The following FMN2 variants were observed in gnomAD, a reference collection of about 807,000 sequenced individuals.
FMN2 encodes formin 2, also known as formin-2.
In FMN2, 51 loss-of-function variants were observed where a neutral mutation model predicts 142.3. The ratio of observed to expected loss-of-function variants is 0.36; its 90% confidence interval spans 0.29 to 0.45. The LOEUF (loss-of-function observed/expected upper bound fraction) is 0.45, where lower values mean the gene tolerates loss of function less well. FMN2 is among the 20% of genes least tolerant of loss of function. The pLI is 1.00. For synonymous variants in FMN2, 882 were observed against 869.8 expected (o/e 1.01, Z -0.25); for missense variants, 1,936 against 2,122.8 (o/e 0.91, Z 1.73).
intron 6 of FMN2, among the ~76,000 whole-genome samples, chr1:240,236,728 C>G (rs1361326045): frequency 6.6e-6 from 1 of 152,134 alleles, no homozygotes; most frequent in Non-Finnish European, 1.5e-5. Context: ...AGTGATAACT[C>G]ACTCATTCCC....
chr1:240,424,040 A>T (rs758115825), intron 15 of FMN2, among the ~76,000 whole-genome samples: 12 of 152,156 alleles, frequency 7.9e-5, no homozygotes, highest in Non-Finnish European at 1.6e-4. Flanking sequence ...GAGGAAAGGG[A>T]GGTTGAATTA....
chr1:240,458,813 A>C (rs1037837548), intron 16 of FMN2: 1 of 152,124 alleles, frequency 6.6e-6, no homozygotes, highest in African/African-American at 2.4e-5. Context: ...ACTATCGTTA[A>C]GTTTGTGGAA....
At chr1:240,300,825 C>T (rs1278980177) in intron 8 of FMN2, among the ~76,000 whole-genome samples, 1 of 149,804 alleles carries the variant, frequency 6.7e-6, no homozygotes, top group Non-Finnish European at 1.5e-5. Flanking sequence ...TTTAGTAATA[C>T]TCTTTGTCTT....
At chr1:240,433,668 G>T (rs1675256409) in intron 15 of FMN2, among the ~76,000 whole-genome samples, 1 of 152,168 alleles carries the variant, frequency 6.6e-6, no homozygotes. Flanking sequence ...ACATCTTCCA[G>T]TTTCAGCACA....
chr1:240,472,464 C>G lies in FMN2; in HGVS notation c.5142+11C>G, dbSNP rs1246355593. 6.4e-7 allele frequency: 1 copy of G among 1,554,652 alleles called. No individual in the cohort carries two copies. Among genetic ancestry groups the G allele is most frequent in the Non-Finnish European group, 8.8e-7 (1 of 1,137,636 alleles). ...CATGACTCTGGAATTGTAAGTATTACTGATTTTTAACTTGTTATTTTCTTT... is the reference window on the plus strand; with the variant it reads ...CATGACTCTGGAATTGTAAGTATTAGTGATTTTTAACTTGTTATTTTCTTT... On this transcript the variant is annotated intron_variant, in intron 17 of 17. Coordinates refer to ENST00000319653, the MANE Select transcript of FMN2 (RefSeq NM_020066.5).
chr1:240,354,519 A>G (rs1002570209), intron 13 of FMN2, among the ~76,000 whole-genome samples: 1 of 152,142 alleles, frequency 6.6e-6, no homozygotes, highest in Non-Finnish European at 1.5e-5. Context: ...TACAGGTTAG[A>G]AATTCTCCAG....
chr1:240,347,841 C>T (rs902850237), intron 13 of FMN2, among the ~76,000 whole-genome samples: 3 of 152,178 alleles, frequency 2.0e-5, no homozygotes, highest in Non-Finnish European at 2.9e-5. Flanking sequence ...TGGCCTCTAG[C>T]TGCATCCATG....
At chr1:240,108,181 G>A (rs1384931081) in intron 1 of FMN2, among the ~76,000 whole-genome samples, 2 of 152,164 alleles carry the variant, frequency 1.3e-5, no homozygotes, top group East Asian at 3.9e-4. Flanking sequence ...GATGAGGGCA[G>A]GGAGTTCATC....
At chr1:240,259,640 G>A (rs1668563799) in intron 7 of FMN2, among the ~76,000 whole-genome samples, 1 of 152,058 alleles carries the variant, frequency 6.6e-6, no homozygotes, top group African/African-American at 2.4e-5. Context: ...GAGCAAACTT[G>A]ACTTCTCTCA....
intron 2 of FMN2, among the ~76,000 whole-genome samples, chr1:240,159,038 C>T (rs1003807925): frequency 6.6e-6 from 1 of 152,088 alleles, no homozygotes; most frequent in African/African-American, 2.4e-5. Flanking sequence ...AACCTGACTG[C>T]TTTGTTTCCC....
intron 2 of FMN2, chr1:240,171,027 G>T: frequency 1.1e-6 from 1 of 927,912 alleles, no homozygotes; most frequent in South Asian, 1.3e-5. Flanking sequence ...AGCAGGGCTG[G>T]GGCGTCAGTG....
Position 240,438,170 on chromosome 1 carries a change from G to A in FMN2, c.5020G>A (p.Asp1674Asn), listed in dbSNP as rs1276132304. 6.2e-7 allele frequency: 1 copy of A among 1,613,886 alleles called. No individual in the cohort carries two copies. Among genetic ancestry groups the A allele is most frequent in the Non-Finnish European group, 8.5e-7 (1 of 1,179,962 alleles). Residue 1674 changes from aspartate to asparagine, a missense_variant, in exon 16 of 18, where the codon GAC becomes AAC. Coordinates refer to ENST00000319653, the MANE Select transcript of FMN2 (RefSeq NM_020066.5). The part of the protein sequence containing the change: ...IWHEFSSDFK[D>N]FWKKENKLLL... ...GCATGAATTCAGCTCTGACTTTAAA[G>A]ACTTCTGGAAGAAAGAGAACAAACT...
At chr1:240,355,708 A>T in intron 13 of FMN2, 108 bp from the exon 14 acceptor site, 1 of 680,590 alleles carries the variant, frequency 1.5e-6, no homozygotes, top group East Asian at 2.7e-5. Context: ...ACATATGCTG[A>T]TTAGGGGAGT....
At chr1:240,331,919 A>G in intron 11 of FMN2, among the ~76,000 whole-genome samples, 1 of 152,178 alleles carries the variant, frequency 6.6e-6, no homozygotes, top group South Asian at 2.1e-4. Context: ...GAAAAACAGA[A>G]TGGTTGTATG....
chr1:240,271,691 T>C (rs926374763), intron 7 of FMN2, among the ~76,000 whole-genome samples: 2 of 152,120 alleles, frequency 1.3e-5, no homozygotes, highest in African/African-American at 4.8e-5. Flanking sequence ...TTTTCATCAA[T>C]TGTAGCCTTG....
intron 7 of FMN2, among the ~76,000 whole-genome samples, chr1:240,259,115 T>C (rs1230913884): frequency 6.6e-6 from 1 of 152,176 alleles, no homozygotes; most frequent in East Asian, 1.9e-4. Context: ...AGCTGAAACA[T>C]TTGGGGTAAT....
At chr1:240,457,968 G>A (rs1256084860) in intron 16 of FMN2, 2 of 152,380 alleles carry the variant, frequency 1.3e-5, no homozygotes, top group African/African-American at 4.8e-5. Context: ...TGGGATCTTG[G>A]GTGAATGAGT....
chr1:240,173,818 C>T (rs1231864064), intron 2 of FMN2, among the ~76,000 whole-genome samples: 1 of 152,108 alleles, frequency 6.6e-6, no homozygotes, highest in Non-Finnish European at 1.5e-5. Context: ...GGGGGACTGA[C>T]CAGATACTTT....
intron 14 of FMN2, among the ~76,000 whole-genome samples, chr1:240,384,097 A>G (rs1213385585): frequency 1.3e-5 from 2 of 152,092 alleles, no homozygotes; most frequent in Non-Finnish European, 2.9e-5. Flanking sequence ...GAGCTAAATA[A>G]TGGCTACACA....
Sources: allele counts gnomAD v4.1 joint callset (sites outside exome capture counted in the v4.1 genomes callset), GRCh38; gene constraint gnomAD v4.1.1; transcripts MANE v1.5; gene names NCBI Gene and HGNC (gene_info 2026-07-23, HGNC 2026-07-21).